NKAIN3: variants seen among roughly 807,000 people sequenced by gnomAD.
NKAIN3 encodes the protein sodium/potassium transporting ATPase interacting 3.
A neutral mutation model predicts 30.2 loss-of-function variants in NKAIN3; 25 were observed. The observed-to-expected ratio is 0.83, with a 90% CI of 0.60 to 1.16. NKAIN3 has a LOEUF of 1.16. Among genes scored for constraint, NKAIN3 ranks in the 50% most tolerant of loss-of-function variants. The pLI is 0.00. For missense variants in NKAIN3, 225 were observed against 254.1 expected (o/e 0.89, Z 0.78); for synonymous variants, 91 against 89.6 (o/e 1.02, Z -0.09).
rs1246534989 is a variant in NKAIN3 at position 62,979,249 on chromosome 8, G to A, written c.*13842G>A. ...TGAAAGAGAGAGAGAAACAGAAACA[G>A]AGACAAGGAGACAGAGACAGTGAAA... On this transcript the variant is annotated 3_prime_UTR_variant, in exon 7 of 7. Transcript: ENST00000623646. The A allele has an allele frequency of 1.3e-5, 2 of 152,176 alleles. No homozygotes were observed. Among genetic ancestry groups the A allele is most frequent in the Non-Finnish European group, 1.5e-5 (1 of 68,062 alleles). 9.4% of individuals were successfully genotyped at this position (152,176 alleles called of 1,614,324 possible).
chr8:62,993,191 T>C (rs10957263), intron 5 of NKAIN3, among the ~76,000 whole-genome samples: 27,628 of 152,046 alleles, frequency 0.18, 2,629 homozygotes, highest in East Asian at 0.39. Flanking sequence ...ATAATCATAG[T>C]ATCCCACCAG....
chr8:62,920,682 C>T (rs1321170886), intron 5 of NKAIN3, among the ~76,000 whole-genome samples: 1 of 152,132 alleles, frequency 6.6e-6, no homozygotes, highest in African/African-American at 2.4e-5. Context: ...TGCTAGGAGA[C>T]TATTCTATTA....
intron 4 of NKAIN3, among the ~76,000 whole-genome samples, chr8:62,753,440 G>C (rs1037589667): frequency 6.6e-6 from 1 of 151,486 alleles, no homozygotes; most frequent in Non-Finnish European, 1.5e-5. Flanking sequence ...GCAAAGAAAG[G>C]GTCATTATTC....
chr8:62,344,107 G>A (rs544566625), intron 1 of NKAIN3, among the ~76,000 whole-genome samples: 67 of 152,010 alleles, frequency 4.4e-4, no homozygotes, highest in Non-Finnish European at 9.0e-4. Flanking sequence ...CAGCCAGGCT[G>A]GGGGGTGGAG....
chr8:62,765,825 A>T (rs1184906085), intron 4 of NKAIN3, among the ~76,000 whole-genome samples: 1 of 152,074 alleles, frequency 6.6e-6, no homozygotes, highest in African/African-American at 2.4e-5. Flanking sequence ...CATCTATTAA[A>T]CTCAGTATTT....
At chr8:62,319,077 A>C (rs367981429) in intron 1 of NKAIN3, among the ~76,000 whole-genome samples, 1 of 152,224 alleles carries the variant, frequency 6.6e-6, no homozygotes, top group South Asian at 2.1e-4. Flanking sequence ...TGTATGTGTC[A>C]AGGAATTTAT....
intron 1 of NKAIN3, among the ~76,000 whole-genome samples, chr8:62,293,294 T>C (rs151216152): frequency 0.035 from 5,353 of 152,306 alleles, 342 homozygotes; most frequent in African/African-American, 0.12. Context: ...CTGCGTTCCT[T>C]TGGAGGAGAA....
chr8:62,419,453 T>A (rs1488758849), intron 1 of NKAIN3, among the ~76,000 whole-genome samples: 2 of 152,138 alleles, frequency 1.3e-5, no homozygotes, highest in African/African-American at 4.8e-5. Flanking sequence ...TAAGGAGAAA[T>A]CACAGCTCTC....
At chr8:62,797,885 C>T (rs796490095) in intron 4 of NKAIN3, among the ~76,000 whole-genome samples, 8 of 152,250 alleles carry the variant, frequency 5.3e-5, no homozygotes, top group African/African-American at 1.9e-4. Flanking sequence ...CCGACCCTCA[C>T]ACAAGGAGAA....
intron 4 of NKAIN3, among the ~76,000 whole-genome samples, chr8:62,797,743 G>A (rs889658968): frequency 3.3e-5 from 5 of 152,160 alleles, no homozygotes; most frequent in African/African-American, 1.2e-4. Flanking sequence ...CTAACCCTCA[G>A]TGACTCAGAA....
At chr8:62,622,757 A>G (rs1811656948) in intron 3 of NKAIN3, among the ~76,000 whole-genome samples, 1 of 151,972 alleles carries the variant, frequency 6.6e-6, no homozygotes, top group Admixed American at 6.6e-5. Flanking sequence ...CCTGTCACAG[A>G]GAAAATCTTT....
intron 1 of NKAIN3, among the ~76,000 whole-genome samples, chr8:62,257,026 A>G (rs1021329221): frequency 6.6e-6 from 1 of 152,202 alleles, no homozygotes; most frequent in Non-Finnish European, 1.5e-5. Flanking sequence ...GTTTTGATAT[A>G]TGCATAAAAT....
chr8:62,379,272 C>G (rs996334755), intron 1 of NKAIN3, among the ~76,000 whole-genome samples: 1 of 152,142 alleles, frequency 6.6e-6, no homozygotes, highest in African/African-American at 2.4e-5. Flanking sequence ...ATTTTACAGG[C>G]TTATAGGCAG....
intron 1 of NKAIN3, among the ~76,000 whole-genome samples, chr8:62,446,350 T>A (rs1035956907): frequency 1.6e-4 from 25 of 152,124 alleles, no homozygotes; most frequent in African/African-American, 6.0e-4. Context: ...GCTGGTTTTT[T>A]TTAGTTTTCA....
chr8:62,676,283 T>G (rs527525598), intron 3 of NKAIN3, among the ~76,000 whole-genome samples: 4 of 152,328 alleles, frequency 2.6e-5, no homozygotes, highest in African/African-American at 9.6e-5. Flanking sequence ...GAAAGTATAC[T>G]ATCGGCCAGG....
chr8:62,261,898 T>G (rs1812454783), intron 1 of NKAIN3, among the ~76,000 whole-genome samples: 1 of 152,126 alleles, frequency 6.6e-6, no homozygotes, highest in Non-Finnish European at 1.5e-5. Context: ...AAAACTGAAA[T>G]GTGGGAAAAT....
chr8:62,810,841 A>T (rs984619960), intron 4 of NKAIN3, among the ~76,000 whole-genome samples: 11 of 152,124 alleles, frequency 7.2e-5, no homozygotes, highest in Admixed American at 2.0e-4. Context: ...CTTTAAAAAT[A>T]TAATTGGATT....
At chr8:62,758,381 C>A (rs1290797893) in intron 4 of NKAIN3, among the ~76,000 whole-genome samples, 1 of 152,052 alleles carries the variant, frequency 6.6e-6, no homozygotes, top group Non-Finnish European at 1.5e-5. Context: ...TTTTTATAAT[C>A]ATACTGTGGC....
chr8:62,500,524 TGAGG>T (rs144019572), intron 1 of NKAIN3, among the ~76,000 whole-genome samples: 1,085 of 81,864 alleles, frequency 0.013, 12 homozygotes, highest in African/African-American at 0.046. Flanking sequence ...AAAGAAAGAG[TGAGG>T]GAGGGAGGGA....
Sources: gnomAD v4.1 joint callset for allele counts (sites outside exome capture counted in the v4.1 genomes callset) on GRCh38, gnomAD v4.1.1 for gene constraint, MANE v1.5 for transcripts, NCBI Gene and HGNC (gene_info 2026-07-23, HGNC 2026-07-21) for gene names.